Variants in GRIN1 observed in about 807,000 individuals in gnomAD.
GRIN1 encodes glutamate ionotropic receptor NMDA type subunit 1.
In GRIN1, 38 loss-of-function variants were observed where a neutral mutation model predicts 103.0. That is an observed-to-expected ratio of 0.37 (90% CI 0.28 to 0.48). GRIN1 has a LOEUF of 0.48. GRIN1 is among the 20% of genes least tolerant of loss of function. The pLI, the probability that GRIN1 is intolerant of heterozygous loss-of-function variation, is 0.98. For missense variants in GRIN1, 577 were observed against 1,288.9 expected, an observed-to-expected ratio of 0.45 and a Z score of 8.46; for synonymous variants, 544 against 532.7, an observed-to-expected ratio of 1.02 and a Z score of -0.29.
rs71387807 is a variant in GRIN1 at position 137,147,017 on chromosome 9, T to TCCCCCCAGCACCCGACAGGCCCCTC, written c.570+1124_570+1125insACCCGACAGGCCCCTCCCCCCCAGC. On this transcript the variant is annotated intron_variant, in intron 3 of 19. Coordinates refer to ENST00000371561, the MANE Select transcript of GRIN1 (RefSeq NM_007327.4). Reference sequence around the variant, plus strand: ...CTCACCCCAGTGCCCGACAGGCCCCTCCCCCCAGCGCCCGACAGGCCCCTC... The same window carrying TCCCCCCAGCACCCGACAGGCCCCTC: ...CTCACCCCAGTGCCCGACAGGCCCCTCCCCCCAGCACCCGACAGGCCCCTCCCCCCCAGCGCCCGACAGGCCCCTC... 7.5e-5 allele frequency among the ~76,000 whole-genome samples: 5 copies of TCCCCCCAGCACCCGACAGGCCCCTC among 67,066 alleles called. 2 individuals are homozygous for TCCCCCCAGCACCCGACAGGCCCCTC. The highest frequency in any genetic ancestry group is 1.9e-4 in the African/African-American group (3 of 15,822). 44.0% of individuals were successfully genotyped at this position (67,066 alleles called of 152,430 possible). A position where few individuals can be genotyped will look rare whatever the true frequency, so the allele number is the denominator to read the frequency against.
rs767848286 is a variant in GRIN1, at chr9:137,163,220, G to C, written c.2223G>C (p.Ser741=). ...CGGCGGTGCTGGAGTTCGAGGCCTC[G>C]CAGAAGTGCGACCTGGTGACGACTG... ...WDSAVLEFEA[S]QKCDLVTTGE... Residue 741 remains serine (S), a synonymous_variant, in exon 16 of 20, where the codon TCG becomes TCC. Transcript: ENST00000371561. The C allele has an allele frequency of 9.3e-6, 15 of 1,613,692 alleles. No individual in the cohort carries two copies. Among genetic ancestry groups the C allele is most frequent in the Middle Eastern group, 1.6e-4 (1 of 6,062 alleles).
intron 4 of GRIN1, among the ~76,000 whole-genome samples, chr9:137,154,361 G>A (rs1307307927): frequency 6.9e-6 from 1 of 145,782 alleles, no homozygotes; most frequent in Non-Finnish European, 1.5e-5. Context: ...CTGGCCTCAA[G>A]TGATCCACCC....
In GRIN1 at chr9:137,162,579, G is replaced by A; in HGVS notation, c.1865-12G>A. ...CCTCTAGGGTCTGACAGAGCCCCCCGCCCGCCCACAGGCGCCCCCAGAAGC... is the reference window on the plus strand; with the variant it reads ...CCTCTAGGGTCTGACAGAGCCCCCCACCCGCCCACAGGCGCCCCCAGAAGC... On this transcript the variant is annotated splice_polypyrimidine_tract_variant and intron_variant, in intron 13 of 19. Coordinates refer to ENST00000371561, the MANE Select transcript of GRIN1 (RefSeq NM_007327.4). 1 of 1,611,374 alleles carries A rather than the reference G, an allele frequency of 6.2e-7. No homozygotes were observed. Among genetic ancestry groups the A allele is most frequent in the East Asian group, 2.2e-5 (1 of 44,868 alleles).
At position 137,145,909 on chromosome 9, in the gene GRIN1, G is replaced by A. The variant is rs781668233; in HGVS notation, c.570+7G>A. On this transcript the variant is annotated splice_region_variant and intron_variant, in intron 3 of 19. Coordinates refer to ENST00000371561, the MANE Select transcript of GRIN1 (RefSeq NM_007327.4). ...GGAGGAGCGTGAGTCCAAGGTGAGG[G>A]TCGGCGCCGCGGGTGGGCGCCTGGC... 9 of 1,591,702 alleles carry A rather than the reference G, an allele frequency of 5.7e-6. No individual in the cohort carries two copies. The South Asian group carries it at 7.9e-5, about 14-fold the overall frequency.
chr9:137,151,183 A>C (rs1374476582), intron 4 of GRIN1, among the ~76,000 whole-genome samples: 63 of 111,232 alleles, frequency 5.7e-4, no homozygotes, highest in Middle Eastern at 7.2e-3. Context: ...CCAGGGAAAG[A>C]CCCGCCCAGA....
At chr9:137,159,684 T>C (rs11794201) in intron 8 of GRIN1, among the ~76,000 whole-genome samples, 38,054 of 152,252 alleles carry the variant, frequency 0.25, 5,651 homozygotes, top group Non-Finnish European at 0.33. Flanking sequence ...CACTAATTTT[T>C]TAAAAATACT....
chr9:137,165,010 G>A (rs896054854), intron 18 of GRIN1, 176 bp from the exon 19 acceptor site: 7 of 649,000 alleles, frequency 1.1e-5, no homozygotes, highest in African/African-American at 1.1e-4. Context: ...ACCCCGGGCA[G>A]GAGAAGAGGC....
chr9:137,158,557 G>A (rs1048472192), intron 7 of GRIN1, 34 bp downstream of exon 7: 2 of 1,608,978 alleles, frequency 1.2e-6, no homozygotes, highest in Non-Finnish European at 1.7e-6. Flanking sequence ...GGGGGCTGGG[G>A]CCTTAGGGTC....
rs1833590258 is a variant in GRIN1, at chr9:137,162,158, G to C, written c.1633-14G>C. 1 of 1,543,160 alleles carries C rather than the reference G, an allele frequency of 6.5e-7. No homozygotes were observed. Among genetic ancestry groups the C allele is most frequent in the South Asian group, 1.2e-5 (1 of 84,022 alleles). On this transcript the variant is annotated splice_polypyrimidine_tract_variant and intron_variant, in intron 11 of 19. Coordinates refer to ENST00000371561, the MANE Select transcript of GRIN1 (RefSeq NM_007327.4). The stretch of plus-strand genomic sequence containing the variant: ...GGAGGGCCCGGGCCGCGCTGACCTC[G>C]CGTCCCTCCGCAGGAGATTCCCCGG...
rs760691794 is a variant in GRIN1, at chr9:137,162,965, C to T, written c.2133C>T (p.Tyr711=). Residue 711 remains tyrosine, a synonymous_variant, in exon 15 of 20, where the codon TAC becomes TAT. Coordinates refer to ENST00000371561, the MANE Select transcript of GRIN1 (RefSeq NM_007327.4). ...ACCGGCATATGGAGAAGCACAACTA[C>T]GAGAGTGCGGCGGAGGCCATCCAGG... ...TMYRHMEKHN[Y]ESAAEAIQAV... is the part of the protein sequence containing the mutation. The T allele has an allele frequency of 1.2e-6, 2 of 1,607,244 alleles. No individual in the cohort carries two copies. Among genetic ancestry groups the T allele is most frequent in the Non-Finnish European group, 1.7e-6 (2 of 1,177,744 alleles).
In GRIN1 at chr9:137,162,430, G is replaced by C. The variant is rs1186161085; in HGVS notation, c.1778G>C (p.Ser593Thr). The C allele has an allele frequency of 6.2e-7, 1 of 1,608,938 alleles. No individual in the cohort carries two copies. Among genetic ancestry groups the C allele is most frequent in the Admixed American group, 1.7e-5 (1 of 60,010 alleles). The change falls in exon 13 of 20, where the codon AGC becomes ACC. Residue 593 changes from serine to threonine, a missense_variant. By Grantham distance (58) the Ser-to-Thr change is moderately conservative (BLOSUM62 1). Coordinates refer to ENST00000371561, the MANE Select transcript of GRIN1 (RefSeq NM_007327.4). Reference sequence around the variant, plus strand: ...CCCTTCGGCCGGTTCAAGGTGAACAGCGAGGAGGAGGAGGAGGACGCACTG... The same window carrying C: ...CCCTTCGGCCGGTTCAAGGTGAACACCGAGGAGGAGGAGGAGGACGCACTG... Reference protein sequence around the residue: ...FSPFGRFKVNSEEEEEDALTL... With the variant: ...FSPFGRFKVNTEEEEEDALTL...
At chr9:137,153,893 C>T (rs1027803050) in intron 4 of GRIN1, among the ~76,000 whole-genome samples, 1 of 152,196 alleles carries the variant, frequency 6.6e-6, no homozygotes, top group African/African-American at 2.4e-5. Context: ...TTACTGCAAC[C>T]TCTGCCCCCT....
In GRIN1 at chr9:137,146,429, T is replaced by A. The variant is rs1832536078; in HGVS notation, c.570+527T>A. ...CAGCAAAGCCCTGTCCACAGACACCTGCCCCCCAGCCTGGACCGCCCCTGT... is the reference window on the plus strand; with the variant it reads ...CAGCAAAGCCCTGTCCACAGACACCAGCCCCCCAGCCTGGACCGCCCCTGT... On this transcript the variant is annotated intron_variant, in intron 3 of 19. Coordinates refer to ENST00000371561, the MANE Select transcript of GRIN1 (RefSeq NM_007327.4). The surrounding 1 kb of genome is among the most constrained non-coding windows in gnomAD (Gnocchi z 6.7). Among the ~76,000 whole-genome samples the A allele has an allele frequency of 6.6e-6, 1 of 151,596 alleles. No homozygotes were observed. Among genetic ancestry groups the A allele is most frequent in the African/African-American group, 2.4e-5 (1 of 41,160 alleles).
chr9:137,145,627 G>C (rs546835356), intron 2 of GRIN1, 99 bp from the exon 3 acceptor site: 1 of 957,842 alleles, frequency 1.0e-6, no homozygotes, highest in East Asian at 2.6e-5. Flanking sequence ...GGAGGAGGGG[G>C]GTTCCCAGCC....
At chr9:137,148,272 T>A (rs1832659888) in intron 3 of GRIN1, 5 of 1,200,588 alleles carry the variant, frequency 4.2e-6, no homozygotes, top group African/African-American at 3.0e-5. Flanking sequence ...CCTCGGCGCC[T>A]CGGCCACTAG....
chr9:137,166,475 G>T (rs1175567146), intron 19 of GRIN1, among the ~76,000 whole-genome samples: 1 of 152,272 alleles, frequency 6.6e-6, no homozygotes, highest in East Asian at 1.9e-4. Context: ...CCAGAGAGAA[G>T]CTTACGCCCG....
At chr9:137,158,352 A>G in intron 6 of GRIN1, 27 bp from the exon 7 acceptor site, 1 of 1,611,994 alleles carries the variant, frequency 6.2e-7, no homozygotes, top group Non-Finnish European at 8.5e-7. Flanking sequence ...CATCTCTGAG[A>G]AGCCTCAGCT....
intron 2 of GRIN1, among the ~76,000 whole-genome samples, chr9:137,144,440 G>A (rs1318670569): frequency 6.6e-6 from 1 of 151,746 alleles, no homozygotes; most frequent in Non-Finnish European, 1.5e-5. Context: ...GGATCACGAG[G>A]TCAGGAGATC....
chr9:137,151,560 G>A (rs1480227596), intron 4 of GRIN1, among the ~76,000 whole-genome samples: 1 of 142,670 alleles, frequency 7.0e-6, no homozygotes, highest in Non-Finnish European at 1.5e-5. Context: ...ACCCAGAAAC[G>A]TGCCACCCAG....
Sources: allele counts gnomAD v4.1 joint callset (sites outside exome capture counted in the v4.1 genomes callset), GRCh38; gene constraint gnomAD v4.1.1; non-coding constraint Gnocchi (gnomAD v3.1); transcripts MANE v1.5; gene names NCBI Gene and HGNC (gene_info 2026-07-23, HGNC 2026-07-21).